Variants in EPC1 observed in about 807,000 individuals in gnomAD.
EPC1 encodes the protein enhancer of polycomb homolog 1.
Under a neutral mutation model 98.4 loss-of-function variants are expected in EPC1, and 12 were observed. The ratio of observed to expected loss-of-function variants is 0.12; its 90% CI spans 0.08 to 0.20. The LOEUF (loss-of-function observed/expected upper bound fraction) is 0.20, where lower values mean the gene tolerates loss of function less well. Among genes scored for constraint, EPC1 ranks in the 10% least tolerant of loss-of-function variants. The pLI is 1.00. For missense variants in EPC1, 729 were observed against 990.5 expected (o/e 0.74, Z 3.54); for synonymous variants, 357 against 363.9 (o/e 0.98, Z 0.21).
rs1835690297 is a variant in EPC1, at chr10:32,268,559, T to C, written c.*504A>G. ...AAGTTATGTTATACCATTTACAAAA[T>C]ACCAAGGAGTCCACAGCTACCTAAC... On this transcript the variant is annotated 3_prime_UTR_variant, in exon 14 of 14. Coordinates refer to ENST00000319778, the MANE Select transcript of EPC1 (RefSeq NM_001272004.3). 1 of 146,012 alleles carries C rather than the reference T, an allele frequency of 6.8e-6. No individual in the cohort carries two copies. The highest frequency in any genetic ancestry group is 2.6e-5 in the African/African-American group (1 of 39,122). 9.0% of individuals were successfully genotyped at this position (146,012 alleles called of 1,614,324 possible).
rs540389160 is a variant in EPC1 at position 32,373,751 on chromosome 10, T to C, written c.3+4740A>G. Among the ~76,000 whole-genome samples, 38 of 152,302 alleles carry C rather than the reference T, an allele frequency of 2.5e-4. No individual in the cohort carries two copies. In the South Asian group the frequency reaches 7.7e-3, roughly 31 times the overall value. On this transcript the variant is annotated intron_variant, in intron 1 of 13. Coordinates refer to the EPC1 transcript ENST00000375110. ...ACTTTGTGACTATGAGGAAAGACAT[T>C]GCTGATGTTATGGCAACGTAAAAGG...
In EPC1 at chr10:32,285,069, A is replaced by T. The variant is rs760745722; in HGVS notation, c.1392-19T>A. 6 of 1,572,254 alleles carry T rather than the reference A, an allele frequency of 3.8e-6. No individual in the cohort carries two copies. Among genetic ancestry groups the T allele is most frequent in the Non-Finnish European group, 5.2e-6 (6 of 1,153,624 alleles). On this transcript the variant is annotated intron_variant, in intron 9 of 13. Coordinates refer to ENST00000319778, the MANE Select transcript of EPC1 (RefSeq NM_001272004.3). The stretch of plus-strand genomic sequence containing the variant: ...TAAGACCCTATTAAAAAATCAGACA[A>T]GAAACAGTTATTTAAAATAGCTATT...
chr10:32,274,072 T>C (rs557255919), intron 10 of EPC1: 1 of 151,932 alleles, frequency 6.6e-6, no homozygotes, highest in Admixed American at 6.6e-5. Context: ...GTTCATTTAT[T>C]ACCCCCCCAA....
At chr10:32,330,850 T>A (rs1297862355) in intron 1 of EPC1, among the ~76,000 whole-genome samples, 2 of 151,524 alleles carry the variant, frequency 1.3e-5, no homozygotes, top group African/African-American at 4.9e-5. Context: ...CATAAAAATA[T>A]AAAGGCCAGA....
intron 1 of EPC1, among the ~76,000 whole-genome samples, chr10:32,344,024 G>A (rs1411142179): frequency 6.6e-6 from 1 of 152,134 alleles, no homozygotes; most frequent in Non-Finnish European, 1.5e-5. Context: ...TCAGGTTCTA[G>A]GTTACAGTGA....
chr10:32,333,311 G>A (rs552453078), intron 1 of EPC1, among the ~76,000 whole-genome samples: 43 of 152,292 alleles, frequency 2.8e-4, no homozygotes, highest in African/African-American at 4.6e-4. Context: ...CAGCCTGGGC[G>A]ACAGAGTGAG....
intron 1 of EPC1, among the ~76,000 whole-genome samples, chr10:32,312,804 CAT>C (rs1836322757): frequency 6.6e-6 from 1 of 152,004 alleles, no homozygotes; most frequent in South Asian, 2.1e-4. Context: ...CATAAAATAA[CAT>C]TAAATAAGAA....
chr10:32,269,241 G>T, intron 13 of EPC1, 106 bp from the exon 14 acceptor site: 1 of 852,338 alleles, frequency 1.2e-6, no homozygotes, highest in South Asian at 1.6e-5. Flanking sequence ...GGAAGAAATT[G>T]GACTCTTTGG....
At chr10:32,325,484 A>G (rs1214741531) in intron 1 of EPC1, among the ~76,000 whole-genome samples, 1 of 152,236 alleles carries the variant, frequency 6.6e-6, no homozygotes, top group African/African-American at 2.4e-5. Flanking sequence ...TAATGGTTGC[A>G]AAACGTGACA....
intron 10 of EPC1, among the ~76,000 whole-genome samples, chr10:32,280,458 A>G (rs2132673249): frequency 6.6e-6 from 1 of 150,906 alleles, no homozygotes; most frequent in Admixed American, 6.6e-5. Flanking sequence ...CTCAAAAAAA[A>G]GGCCAGGCAC....
At position 32,293,063 on chromosome 10, in the gene EPC1, C is replaced by T; in HGVS notation, c.591G>A (p.Glu197=). The change falls in exon 4 of 14, where the codon GAG becomes GAA. Residue 197 remains glutamate, a synonymous_variant. Transcript: ENST00000319778. ...CATTTGTGCTGGAACCATCTCGCTT[C>T]TCTTGTTTTACTGATGGAATAAGAG... ...GPSLIPSVKQ[E]KRDGSSTNDP... 1 of 1,613,474 alleles carries T rather than the reference C, an allele frequency of 6.2e-7. No homozygotes were observed. Among genetic ancestry groups the T allele is most frequent in the Non-Finnish European group, 8.5e-7 (1 of 1,179,650 alleles).
At chr10:32,336,563 AT>A (rs1837988405) in intron 1 of EPC1, among the ~76,000 whole-genome samples, 2 of 151,804 alleles carry the variant, frequency 1.3e-5, no homozygotes, top group South Asian at 4.2e-4. Flanking sequence ...ATCCTTTTAC[AT>A]TTTTCTAAGT....
At chr10:32,344,312 G>C (rs1182201924) in intron 1 of EPC1, among the ~76,000 whole-genome samples, 3 of 152,136 alleles carry the variant, frequency 2.0e-5, no homozygotes, top group African/African-American at 7.2e-5. Flanking sequence ...TCTTCCATTA[G>C]GTTCAGTGTC....
chr10:32,331,774 T>C (rs571345237), intron 1 of EPC1, among the ~76,000 whole-genome samples: 10 of 152,326 alleles, frequency 6.6e-5, no homozygotes, highest in Admixed American at 5.2e-4. Context: ...TAAACATAAG[T>C]TTATAAGTGT....
chr10:32,346,122 G>A (rs1838778529), intron 1 of EPC1, among the ~76,000 whole-genome samples: 1 of 152,156 alleles, frequency 6.6e-6, no homozygotes, highest in African/African-American at 2.4e-5. Context: ...AGTCGTCCGG[G>A]CAAACACGCT....
chr10:32,272,234 C>T (rs1043775663), intron 11 of EPC1, 67 bp from the exon 12 acceptor site: 48 of 1,308,326 alleles, frequency 3.7e-5, no homozygotes, highest in South Asian at 3.4e-4. Context: ...CAAAACTACA[C>T]ATGCATACCA....
chr10:32,278,097 T>C (rs1836192948), intron 10 of EPC1, among the ~76,000 whole-genome samples: 1 of 152,208 alleles, frequency 6.6e-6, no homozygotes, highest in South Asian at 2.1e-4. Context: ...ACTTTTTTTT[T>C]TTGAGAGGGA....
intron 10 of EPC1, among the ~76,000 whole-genome samples, chr10:32,278,383 T>TG (rs1564520517): frequency 1.8e-4 from 25 of 137,530 alleles, no homozygotes; most frequent in East Asian, 6.1e-4. Flanking sequence ...TTTTTTTTTT[T>TG]TGTTTTTTTT....
chr10:32,306,437 C>G (rs1373627432), intron 1 of EPC1, among the ~76,000 whole-genome samples: 1 of 152,166 alleles, frequency 6.6e-6, no homozygotes, highest in Non-Finnish European at 1.5e-5. Context: ...GACTCAAATC[C>G]TGGTCTTTTG....
Sources: allele counts gnomAD v4.1 joint callset (sites outside exome capture counted in the v4.1 genomes callset), GRCh38; gene constraint gnomAD v4.1.1; transcripts MANE v1.5; gene names NCBI Gene and HGNC (gene_info 2026-07-23, HGNC 2026-07-21).